Variants in TRIM74 observed in about 807,000 individuals in gnomAD.
The protein encoded by TRIM74 is tripartite motif-containing protein 74.
A neutral mutation model predicts 14.5 loss-of-function variants in TRIM74; 3 were observed. The observed-to-expected ratio is 0.21, with a 90% CI of 0.09 to 0.53. The LOEUF (loss-of-function observed/expected upper bound fraction) is 0.53. Among genes scored for constraint, TRIM74 ranks in the 20% least tolerant of loss-of-function variants. The pLI is 0.95. For missense variants in TRIM74, 26 were observed against 174.0 expected (o/e 0.15, Z 4.79); for synonymous variants, 10 against 71.3 (o/e 0.14, Z 4.33).
chr7:72,955,112 T>TATATATATATATATATATA (rs1491401490), downstream of TRIM74: 1 of 123,950 alleles, frequency 8.1e-6, no homozygotes, highest in African/African-American at 4.2e-5. Context: ...TATATATATA[T>TATATATATATATATATATA]TTTTTTTTTT....
chr7:72,955,109 ATATTTTT>A (rs1272557885), downstream of TRIM74: 1 of 110,942 alleles, frequency 9.0e-6, no homozygotes, highest in Non-Finnish European at 1.7e-5. Context: ...ATATATATAT[ATATTTTT>A]TTTTTTTTCA....
intron 1 of TRIM74, among the ~76,000 whole-genome samples, chr7:72,967,194 G>A (rs1798303488): frequency 6.6e-6 from 1 of 152,282 alleles, no homozygotes; most frequent in South Asian, 2.1e-4. Flanking sequence ...GCAGACAGGT[G>A]CTGGGAAACA....
At chr7:72,962,716 G>T (rs1798191335) in intron 2 of TRIM74, among the ~76,000 whole-genome samples, 2 of 128,958 alleles carry the variant, frequency 1.6e-5, no homozygotes, top group East Asian at 2.2e-4. Flanking sequence ...ATTCTGCATT[G>T]ACAGCAGGAA....
chr7:72,967,127 G>A (rs1306970017), intron 1 of TRIM74, among the ~76,000 whole-genome samples: 1 of 152,430 alleles, frequency 6.6e-6, no homozygotes, highest in Non-Finnish European at 1.5e-5. Context: ...CACTGTGGAG[G>A]AGGGGCAGAA....
chr7:72,967,778 C>CT (rs1256247164), intron 1 of TRIM74, among the ~76,000 whole-genome samples: 15 of 5,978 alleles, frequency 2.5e-3, no homozygotes, highest in South Asian at 9.1e-3. Context: ...AACCTGGCCT[C>CT]TTTTTTTTTT....
chr7:72,955,714 C>T (rs1798082435), downstream of TRIM74, among the ~76,000 whole-genome samples: 1 of 139,170 alleles, frequency 7.2e-6, no homozygotes, highest in Non-Finnish European at 1.5e-5. Flanking sequence ...ACTCCGTCAC[C>T]CAGGCTGGAG....
intron 1 of TRIM74, among the ~76,000 whole-genome samples, chr7:72,967,251 G>A (rs1798306554): frequency 6.7e-6 from 1 of 148,560 alleles, no homozygotes; most frequent in African/African-American, 2.5e-5. Context: ...TTTTTTGGGG[G>A]GGGTGGGGGG....
downstream of TRIM74, chr7:72,955,025 T>C (rs1306158849): frequency 1.5e-6 from 1 of 647,640 alleles, no homozygotes; most frequent in Admixed American, 2.1e-5. Flanking sequence ...GCGTTGAATA[T>C]GTTCACATGT....
intron 2 of TRIM74, among the ~76,000 whole-genome samples, chr7:72,963,858 T>C (rs1798229701): frequency 1.9e-5 from 1 of 53,938 alleles, no homozygotes; most frequent in African/African-American, 6.9e-5. Context: ...CACCTGCAGT[T>C]GGCTTCCACC....
intron 1 of TRIM74, chr7:72,967,045 G>A (rs1798297336): frequency 1.3e-5 from 2 of 151,006 alleles, no homozygotes; most frequent in Admixed American, 1.3e-4. Context: ...GTGGAAACTG[G>A]GTTACATCAC....
intron 1 of TRIM74, among the ~76,000 whole-genome samples, chr7:72,966,415 G>GTGTGTGTGTGTT (rs1798275997): frequency 1.4e-5 from 2 of 144,232 alleles, no homozygotes; most frequent in South Asian, 4.2e-4. Flanking sequence ...GTGTGTGTGT[G>GTGTGTGTGTGTT]TGTGTCTACA....
downstream of TRIM74, among the ~76,000 whole-genome samples, chr7:72,955,502 C>G (rs1185470599): frequency 3.5e-5 from 5 of 142,828 alleles, no homozygotes; most frequent in South Asian, 4.5e-4. Context: ...AAGGTCCTAG[C>G]AACTCCAGGT....
intron 1 of TRIM74, among the ~76,000 whole-genome samples, chr7:72,967,270 C>T (rs1350183457): frequency 2.5e-5 from 2 of 80,218 alleles, no homozygotes; most frequent in Non-Finnish European, 5.0e-5. Flanking sequence ...GGCTGGGGGG[C>T]AGGGGAAGAC....
In TRIM74 at chr7:72,963,600, G is replaced by C. The variant is rs1205362189; in HGVS notation, c.400-2155C>G. Among the ~76,000 whole-genome samples, 8 of 135,616 alleles carry C rather than the reference G, an allele frequency of 5.9e-5. No individual in the cohort carries two copies. In the East Asian group the frequency reaches 1.6e-3, roughly 28 times the overall value. The allele number at this position is 135,616 out of a possible 152,430, so 89.0% of individuals were successfully genotyped here. A position where few individuals can be genotyped will look rare whatever the true frequency, so the allele number is the denominator to read the frequency against. On this transcript the variant is annotated intron_variant, in intron 2 of 4. Transcript: ENST00000285805. ...CAAAACCCAAATCTGGCCGGGAACA[G>C]TGGCTCATGCCTGGAATCCCAGCAC...
downstream of TRIM74, among the ~76,000 whole-genome samples, chr7:72,955,257 C>T (rs1392657871): frequency 5.1e-5 from 6 of 118,786 alleles, no homozygotes; most frequent in Non-Finnish European, 8.5e-5. Flanking sequence ...CCACCACGCC[C>T]GGCTAATTTT....
chr7:72,955,674 CG>C (rs1554505559), downstream of TRIM74, among the ~76,000 whole-genome samples: 1 of 146,306 alleles, frequency 6.8e-6, no homozygotes, highest in Non-Finnish European at 1.5e-5. Context: ...GCCACAATAA[CG>C]GTTTTGTTTT....
At chr7:72,958,703 T>C (rs1798126674), downstream of TRIM74, among the ~76,000 whole-genome samples, 1 of 114,006 alleles carries the variant, frequency 8.8e-6, no homozygotes, top group Admixed American at 8.8e-5. Context: ...GGATTACAGG[T>C]ATGTGCCACC....
rs543895411 is a variant in TRIM74, at chr7:72,967,170, C to T, written c.-18-995G>A. Among the ~76,000 whole-genome samples, 25 of 152,406 alleles carry T rather than the reference C, an allele frequency of 1.6e-4. No individual in the cohort carries two copies. The East Asian group carries it at 2.5e-3, about 15-fold the overall frequency. On this transcript the variant is annotated intron_variant, in intron 1 of 4. Coordinates refer to ENST00000285805, the MANE Select transcript of TRIM74 (RefSeq NM_198853.3). The stretch of plus-strand genomic sequence containing the variant: ...GACTAGGCACACTGTCCACACCTCA[C>T]GACCCCGACAGGAGCAGACAGGTGC...
intron 2 of TRIM74, among the ~76,000 whole-genome samples, chr7:72,963,314 G>C (rs1798210739): frequency 6.6e-6 from 1 of 152,272 alleles, no homozygotes; most frequent in South Asian, 2.1e-4. Flanking sequence ...AACGGACAGA[G>C]TCCTTGCTCT....
Sources: allele counts gnomAD v4.1 joint callset (sites outside exome capture counted in the v4.1 genomes callset), GRCh38; gene constraint gnomAD v4.1.1; transcripts MANE v1.5; gene names NCBI Gene and HGNC (gene_info 2026-07-23, HGNC 2026-07-21).